TSHR: variants seen among roughly 807,000 people sequenced by gnomAD.
The protein encoded by TSHR is thyroid stimulating hormone receptor.
Under a neutral mutation model 64.1 loss-of-function variants are expected in TSHR, and 51 were observed. The observed-to-expected ratio is 0.80, with a 90% CI of 0.64 to 1.01. The LOEUF (loss-of-function observed/expected upper bound fraction) is 1.01, where lower values mean the gene tolerates loss of function less well. Ranked by LOEUF, TSHR falls within the 50% of genes least tolerant of loss-of-function variation. The probability of loss-of-function intolerance (pLI) is 0.00; values close to 1 mark genes in which losing one functional copy is unlikely to be tolerated. For missense variants in TSHR, 877 were observed against 942.8 expected (o/e 0.93, Z 0.91); for synonymous variants, 361 against 361.9 (o/e 1.00, Z 0.03).
chr14:81,109,310 G>A (rs1005215078), intron 8 of TSHR, among the ~76,000 whole-genome samples: 2 of 152,020 alleles, frequency 1.3e-5, no homozygotes, highest in Non-Finnish European at 1.5e-5. Context: ...TTGGGAGGCC[G>A]AGGCAGGAGA....
intron 1 of TSHR, among the ~76,000 whole-genome samples, chr14:80,959,865 T>C (rs1886924186): frequency 6.6e-6 from 1 of 152,248 alleles, no homozygotes; most frequent in African/African-American, 2.4e-5. Context: ...TGTGCTGTTA[T>C]TTACTCAGTA....
chr14:81,092,657 G>T, intron 6 of TSHR, 49 bp downstream of exon 6: 1 of 1,569,536 alleles, frequency 6.4e-7, no homozygotes. Context: ...TCTATTTTGA[G>T]CCATTTTCAT....
chr14:81,005,238 T>TGTGC (rs1555370608), intron 1 of TSHR, among the ~76,000 whole-genome samples: 1 of 122,056 alleles, frequency 8.2e-6, no homozygotes, highest in Non-Finnish European at 1.6e-5. Context: ...TGTGTGTGTG[T>TGTGC]GTGCACGCAC....
intron 1 of TSHR, among the ~76,000 whole-genome samples, chr14:80,958,802 C>G (rs987279645): frequency 6.6e-6 from 1 of 152,122 alleles, no homozygotes; most frequent in African/African-American, 2.4e-5. Flanking sequence ...GGATCTACTA[C>G]TGAGGCATGT....
intron 8 of TSHR, among the ~76,000 whole-genome samples, chr14:81,121,176 C>CAA (rs79487366): frequency 0.044 from 6,453 of 147,384 alleles, 370 homozygotes; most frequent in East Asian, 0.23. Flanking sequence ...ACCCATATGG[C>CAA]AAAAAAAAAG....
intron 8 of TSHR, among the ~76,000 whole-genome samples, chr14:81,135,902 C>T (rs1004459602): frequency 1.3e-5 from 2 of 152,192 alleles, no homozygotes; most frequent in African/African-American, 2.4e-5. Context: ...GGCAGTTGTT[C>T]CCCCTGCTTG....
At chr14:80,980,819 C>T (rs1888127267) in intron 1 of TSHR, among the ~76,000 whole-genome samples, 1 of 151,956 alleles carries the variant, frequency 6.6e-6, no homozygotes, top group South Asian at 2.1e-4. Flanking sequence ...TCTCTCTGTG[C>T]TACATTTTAT....
intron 1 of TSHR, chr14:81,050,231 C>T: frequency 6.6e-6 from 1 of 152,192 alleles, no homozygotes; most frequent in East Asian, 1.9e-4. Context: ...GATGAGAACT[C>T]TGGAAATTCC....
chr14:81,090,647 G>A (rs1203272955), intron 4 of TSHR, among the ~76,000 whole-genome samples: 1 of 152,184 alleles, frequency 6.6e-6, no homozygotes, highest in African/African-American at 2.4e-5. Context: ...TGTAGAGCTT[G>A]AAAGAGGAAG....
At chr14:81,038,489 A>G (rs1884762367) in intron 1 of TSHR, among the ~76,000 whole-genome samples, 1 of 151,570 alleles carries the variant, frequency 6.6e-6, no homozygotes, top group South Asian at 2.1e-4. Context: ...AATAATAAAG[A>G]TCAGAGCAGA....
At chr14:81,035,189 G>A (rs1252032702) in intron 1 of TSHR, among the ~76,000 whole-genome samples, 1 of 152,196 alleles carries the variant, frequency 6.6e-6, no homozygotes, top group Non-Finnish European at 1.5e-5. Context: ...GATTGAGCAT[G>A]AAGAAGCTAT....
At chr14:80,995,952 G>T (rs1012800871) in intron 1 of TSHR, among the ~76,000 whole-genome samples, 2 of 151,932 alleles carry the variant, frequency 1.3e-5, no homozygotes, top group East Asian at 1.9e-4. Context: ...GCAAATTTTT[G>T]ATTATGCCAT....
chr14:81,100,411 G>C (rs1228056841), intron 7 of TSHR, among the ~76,000 whole-genome samples: 1 of 152,134 alleles, frequency 6.6e-6, no homozygotes, highest in Admixed American at 6.5e-5. Flanking sequence ...CAACAGTTTT[G>C]ACACCAAATG....
chr14:80,983,740 T>C lies in TSHR; in HGVS notation c.170+27890T>C, dbSNP rs986474661. 9 of 400,118 alleles carry C rather than the reference T, an allele frequency of 2.2e-5. No homozygotes were observed. The Admixed American group carries it at 4.0e-4, about 18-fold the overall frequency. The allele number at this position is 400,118 out of a possible 1,614,324, so 24.8% of individuals were successfully genotyped here. Reference sequence around the variant, plus strand: ...ATATTTGGTTATTATGGTGTACAAGTTATACATTGCATCTTTAACACATAG... The same window carrying C: ...ATATTTGGTTATTATGGTGTACAAGCTATACATTGCATCTTTAACACATAG... On this transcript the variant is annotated intron_variant, in intron 1 of 9. Transcript: ENST00000298171.
intron 1 of TSHR, among the ~76,000 whole-genome samples, chr14:81,011,242 A>G (rs1277785397): frequency 6.8e-6 from 1 of 148,086 alleles, no homozygotes; most frequent in East Asian, 2.0e-4. Context: ...TCTGAAATTG[A>G]TTAAGAAAAA....
chr14:81,023,423 A>G (rs1039739054), intron 1 of TSHR, among the ~76,000 whole-genome samples: 6 of 152,122 alleles, frequency 3.9e-5, no homozygotes, highest in Admixed American at 6.5e-5. Flanking sequence ...GTTTTCTTAC[A>G]TAGTGTTGAT....
intron 2 of TSHR, 109 bp downstream of exon 2, chr14:81,062,328 T>C: frequency 1.3e-6 from 1 of 767,314 alleles, no homozygotes; most frequent in East Asian, 2.7e-5. Flanking sequence ...TCAATGGCAG[T>C]TATATTGTCA....
At chr14:81,102,601 C>T (rs1363574995) in intron 7 of TSHR, 8 of 184,542 alleles carry the variant, frequency 4.3e-5, no homozygotes, top group Non-Finnish European at 3.1e-5. Flanking sequence ...CCTTATGGGA[C>T]ATATGGTCTT....
rs143644071 is a variant in TSHR, at chr14:81,044,984, C to T, written c.171-17164C>T. Among the ~76,000 whole-genome samples the T allele has an allele frequency of 7.9e-5, 12 of 152,182 alleles. No homozygotes were observed. The South Asian group carries it at 8.3e-4, about 11-fold the overall frequency. On this transcript the variant is annotated intron_variant, in intron 1 of 9. Transcript: ENST00000298171. Reference sequence around the variant, plus strand: ...ACAGCACTATTCACAATAGCAAAGACGTAGAATCAACCTAAATGCCCATCA... The same window carrying T: ...ACAGCACTATTCACAATAGCAAAGATGTAGAATCAACCTAAATGCCCATCA...
Sources: allele counts gnomAD v4.1 joint callset (sites outside exome capture counted in the v4.1 genomes callset), GRCh38; gene constraint gnomAD v4.1.1; transcripts MANE v1.5; gene names NCBI Gene and HGNC (gene_info 2026-07-23, HGNC 2026-07-21).